Variants in CLVS2 observed in about 807,000 individuals in gnomAD.
CLVS2 encodes the protein clavesin 2.
In CLVS2, 19 loss-of-function variants were observed where a neutral mutation model predicts 29.0. The ratio of observed to expected loss-of-function variants is 0.66; its 90% CI spans 0.46 to 0.96. The LOEUF is 0.96. Ranked by LOEUF, CLVS2 falls within the 40% of genes least tolerant of loss-of-function variation. CLVS2 has a pLI of 0.00. For missense variants in CLVS2, 294 were observed against 404.1 expected, an observed-to-expected ratio of 0.73 and a Z score of 2.34; for synonymous variants, 161 against 151.3, an observed-to-expected ratio of 1.06 and a Z score of -0.47.
At chr6:123,055,744 AT>A in intron 4 of CLVS2, 61 bp from the exon 5 acceptor site, 1 of 1,187,958 alleles carries the variant, frequency 8.4e-7, no homozygotes, top group Non-Finnish European at 1.3e-6. Flanking sequence ...CCCCTGTAGG[AT>A]TTAGATGGTA....
intron 2 of CLVS2, among the ~76,000 whole-genome samples, chr6:123,003,877 C>T (rs1359386846): frequency 6.6e-6 from 1 of 152,084 alleles, no homozygotes; most frequent in East Asian, 1.9e-4. Flanking sequence ...TTATTCATTT[C>T]AAAATAATTC....
chr6:123,010,948 TG>T, intron 2 of CLVS2, 36 bp from the exon 3 acceptor site: 1 of 1,345,000 alleles, frequency 7.4e-7, no homozygotes, highest in Non-Finnish European at 9.8e-7. Context: ...GAAAAGTGGT[TG>T]TCAGACCTAA....
chr6:123,015,099 G>A (rs2114312875), intron 3 of CLVS2, among the ~76,000 whole-genome samples: 1 of 152,102 alleles, frequency 6.6e-6, no homozygotes, highest in South Asian at 2.1e-4. Context: ...GAAGTACTCT[G>A]AACAAACATG....
intron 3 of CLVS2, among the ~76,000 whole-genome samples, chr6:123,016,406 A>G (rs533691311): frequency 1.3e-5 from 2 of 151,766 alleles, no homozygotes; most frequent in Non-Finnish European, 2.9e-5. Context: ...ATTAATGAGA[A>G]ACTTGGACTT....
intron 2 of CLVS2, among the ~76,000 whole-genome samples, chr6:122,998,661 T>C (rs186163028): frequency 2.0e-5 from 3 of 152,308 alleles, no homozygotes; most frequent in African/African-American, 7.2e-5. Context: ...GCAAGTAGTT[T>C]TGTTGCTTGG....
At chr6:123,040,685 C>T (rs950849943) in intron 3 of CLVS2, among the ~76,000 whole-genome samples, 2 of 151,384 alleles carry the variant, frequency 1.3e-5, no homozygotes, top group Non-Finnish European at 2.9e-5. Flanking sequence ...CCCAGCTACT[C>T]GGGAGTCGGG....
At chr6:123,051,151 G>A (rs756942173) in intron 4 of CLVS2, among the ~76,000 whole-genome samples, 8 of 152,116 alleles carry the variant, frequency 5.3e-5, no homozygotes, top group Non-Finnish European at 8.8e-5. Flanking sequence ...TGCTTCGGAT[G>A]CTATAAGTCT....
Position 123,072,045 on chromosome 6 carries a change from A to T in CLVS2, c.*8284A>T, listed in dbSNP as rs1772957814. On this transcript the variant is annotated 3_prime_UTR_variant, in exon 6 of 6. Transcript: ENST00000275162. ...GACTTCTCCATAATTTTAGTAACTA[A>T]ATGACCTAGATATTGGTTCTTGTTG... is the stretch of plus-strand genomic sequence containing the variant. The T allele has an allele frequency of 6.6e-6, 1 of 151,992 alleles. No homozygotes were observed. Among genetic ancestry groups the T allele is most frequent in the African/African-American group, 2.4e-5 (1 of 41,428 alleles). The allele number at this position is 151,992 out of a possible 1,614,324, so 9.4% of individuals were successfully genotyped here.
Position 123,011,075 on chromosome 6 carries a change from G to A in CLVS2, c.480G>A (p.Leu160=), listed in dbSNP as rs909925415. ...AGCTTCAAGTGAATGGGTTTGTTTT[G>A]ATCATAGACTGGAGTAACTTCACTT... ...DPELQVNGFV[L]IIDWSNFTFK... Residue 160 remains leucine (L), a synonymous_variant, in exon 3 of 6, where the codon TTG becomes TTA. Coordinates refer to ENST00000275162, the MANE Select transcript of CLVS2 (RefSeq NM_001010852.4). The A allele has an allele frequency of 1.2e-6, 2 of 1,611,482 alleles. No individual in the cohort carries two copies. Among genetic ancestry groups the A allele is most frequent in the Non-Finnish European group, 1.7e-6 (2 of 1,178,644 alleles).
At chr6:123,024,792 T>G (rs1022382955) in intron 3 of CLVS2, among the ~76,000 whole-genome samples, 2 of 152,134 alleles carry the variant, frequency 1.3e-5, no homozygotes, top group Non-Finnish European at 2.9e-5. Flanking sequence ...GTGCAATTAC[T>G]GTAATGAGTT....
intron 3 of CLVS2, among the ~76,000 whole-genome samples, chr6:123,011,361 A>G (rs1342204181): frequency 2.0e-5 from 3 of 152,168 alleles, no homozygotes; most frequent in South Asian, 2.1e-4. Context: ...ACACTAGTAC[A>G]GTGCTCCCTG....
chr6:123,061,048 C>T (rs924503054), intron 5 of CLVS2, among the ~76,000 whole-genome samples: 1 of 152,230 alleles, frequency 6.6e-6, no homozygotes, highest in African/African-American at 2.4e-5. Context: ...TGCCTGTAAT[C>T]CCAGCACTTT....
At chr6:123,033,074 A>G (rs1775105610) in intron 3 of CLVS2, among the ~76,000 whole-genome samples, 1 of 151,936 alleles carries the variant, frequency 6.6e-6, no homozygotes, top group Non-Finnish European at 1.5e-5. Flanking sequence ...TATCATTTTC[A>G]TGGTGGCATA....
At chr6:123,028,688 A>C (rs1388824101) in intron 3 of CLVS2, among the ~76,000 whole-genome samples, 1 of 152,152 alleles carries the variant, frequency 6.6e-6, no homozygotes, top group African/African-American at 2.4e-5. Flanking sequence ...TGTATGAAAC[A>C]ATTTTTCAAA....
intron 3 of CLVS2, among the ~76,000 whole-genome samples, chr6:123,041,427 G>A (rs920638727): frequency 1.1e-4 from 16 of 151,974 alleles, no homozygotes; most frequent in African/African-American, 3.9e-4. Flanking sequence ...AGTGTGCACC[G>A]AGAAGATATG....
In CLVS2 at chr6:123,049,804, T is replaced by TCG. The variant is rs1554203165; in HGVS notation, c.675+1072_675+1073insCG. ...TCACACACCGGGGCCTGTTGTGGGA[T>TCG]GGGGGGCGGGGAGGAATAGCATTAG... On this transcript the variant is annotated intron_variant, in intron 4 of 5. Coordinates refer to ENST00000275162, the MANE Select transcript of CLVS2 (RefSeq NM_001010852.4). 9.2e-4 allele frequency among the ~76,000 whole-genome samples: 109 copies of TCG among 118,996 alleles called. 1 individual carries two copies. Among genetic ancestry groups the TCG allele is most frequent in the Non-Finnish European group, 1.7e-3 (97 of 56,022 alleles). 78.1% of individuals were successfully genotyped at this position (118,996 alleles called of 152,430 possible). A position where few individuals can be genotyped will look rare whatever the true frequency, so the allele number is the denominator to read the frequency against.
At chr6:123,002,973 A>T (rs928334412) in intron 2 of CLVS2, among the ~76,000 whole-genome samples, 1 of 152,158 alleles carries the variant, frequency 6.6e-6, no homozygotes, top group Non-Finnish European at 1.5e-5. Flanking sequence ...TTTCAGGGAA[A>T]CTCTTTTAAC....
At chr6:123,054,146 G>T (rs1772656885) in intron 4 of CLVS2, among the ~76,000 whole-genome samples, 1 of 152,066 alleles carries the variant, frequency 6.6e-6, no homozygotes. Context: ...AGTTGAAGAA[G>T]ATTTCTTATG....
intron 2 of CLVS2, among the ~76,000 whole-genome samples, chr6:123,001,255 G>A (rs1774585502): frequency 6.6e-6 from 1 of 152,180 alleles, no homozygotes; most frequent in Non-Finnish European, 1.5e-5. Flanking sequence ...AATAGTGTCT[G>A]TTTCTGCTGC....
Sources: gnomAD v4.1 joint callset for allele counts (sites outside exome capture counted in the v4.1 genomes callset) on GRCh38, gnomAD v4.1.1 for gene constraint, MANE v1.5 for transcripts, NCBI Gene and HGNC (gene_info 2026-07-23, HGNC 2026-07-21) for gene names.